GADL1: variants seen among roughly 807,000 people sequenced by gnomAD.
GADL1 encodes the protein GAD like acidic amino acid decarboxylase 1, also known as acidic amino acid decarboxylase GADL1.
Under a neutral mutation model 69.5 loss-of-function variants are expected in GADL1, and 71 were observed. That is an observed-to-expected ratio of 1.02 (90% confidence interval 0.84 to 1.25). GADL1 has a LOEUF of 1.25. Among genes scored for constraint, GADL1 ranks in the 50% most tolerant of loss-of-function variants. GADL1 has a pLI of 0.00. For synonymous variants in GADL1, 254 were observed against 214.4 expected (o/e 1.18, Z -1.62); for missense variants, 737 against 631.8 (o/e 1.17, Z -1.79).
chr3:30,737,737 T>C (rs1575178624), intron 14 of GADL1, among the ~76,000 whole-genome samples: 1 of 152,300 alleles, frequency 6.6e-6, no homozygotes, highest in African/African-American at 2.4e-5. Context: ...CATACTTTGA[T>C]TGGACATACC....
intron 14 of GADL1, among the ~76,000 whole-genome samples, chr3:30,770,739 C>T (rs935821178): frequency 6.6e-6 from 1 of 152,028 alleles, no homozygotes; most frequent in Non-Finnish European, 1.5e-5. Flanking sequence ...CAGCTTCATT[C>T]TTTATTTTAA....
chr3:30,891,675 C>G (rs182485403), intron 1 of GADL1, among the ~76,000 whole-genome samples: 4 of 152,056 alleles, frequency 2.6e-5, no homozygotes, highest in Admixed American at 2.6e-4. Context: ...AAAAGCAGAT[C>G]ATAATAGTAT....
At chr3:30,752,838 TAAC>T (rs560034486) in intron 14 of GADL1, among the ~76,000 whole-genome samples, 112 of 142,462 alleles carry the variant, frequency 7.9e-4, no homozygotes, top group African/African-American at 2.5e-3. Context: ...CTATTTAAGT[TAAC>T]AAGATAATTA....
intron 1 of GADL1, among the ~76,000 whole-genome samples, chr3:30,893,596 T>C (rs1698814562): frequency 6.6e-6 from 1 of 152,200 alleles, no homozygotes; most frequent in African/African-American, 2.4e-5. Context: ...GGTTTTATTA[T>C]GCCATATATA....
intron 12 of GADL1, among the ~76,000 whole-genome samples, chr3:30,792,150 T>C (rs1240586613): frequency 1.3e-5 from 2 of 152,204 alleles, no homozygotes; most frequent in African/African-American, 4.8e-5. Context: ...ACAAAGGTCT[T>C]ACACCAGAGT....
chr3:30,752,397 T>C (rs1006681587), intron 14 of GADL1, among the ~76,000 whole-genome samples: 3 of 152,106 alleles, frequency 2.0e-5, no homozygotes, highest in South Asian at 4.1e-4. Flanking sequence ...GAGATAGACA[T>C]GTATGGTGAA....
intron 12 of GADL1, among the ~76,000 whole-genome samples, chr3:30,797,145 G>A (rs532254673): frequency 5.9e-4 from 90 of 152,222 alleles, no homozygotes; most frequent in Non-Finnish European, 1.1e-3. Context: ...TTCTGTCATG[G>A]CCATCTCAAG....
intron 1 of GADL1, among the ~76,000 whole-genome samples, chr3:30,871,628 A>G (rs1698482969): frequency 6.6e-6 from 1 of 151,844 alleles, no homozygotes; most frequent in South Asian, 2.1e-4. Context: ...AACATGTAAT[A>G]TTTCTGGGAG....
intron 12 of GADL1, among the ~76,000 whole-genome samples, chr3:30,792,641 T>TA (rs530414489): frequency 1.6e-4 from 24 of 152,228 alleles, no homozygotes; most frequent in African/African-American, 5.8e-4. Context: ...TGTTCAATAA[T>TA]ATCAGGAACC....
chr3:30,764,862 T>C (rs1291486775), intron 14 of GADL1, among the ~76,000 whole-genome samples: 4 of 152,190 alleles, frequency 2.6e-5, no homozygotes, highest in Non-Finnish European at 5.9e-5. Flanking sequence ...GCTGTGGCAC[T>C]GCCAACATTT....
chr3:30,813,168 A>T (rs1218135579), intron 11 of GADL1, among the ~76,000 whole-genome samples: 1 of 152,198 alleles, frequency 6.6e-6, no homozygotes, highest in African/African-American at 2.4e-5. Flanking sequence ...GGTATTTGCT[A>T]TGTAACTGTC....
At chr3:30,795,093 G>A (rs1167195908) in intron 12 of GADL1, among the ~76,000 whole-genome samples, 1 of 152,106 alleles carries the variant, frequency 6.6e-6, no homozygotes, top group Admixed American at 6.6e-5. Flanking sequence ...TTACTTTGCT[G>A]GAGTTATCTA....
At chr3:30,811,064 C>T (rs1033192494) in intron 11 of GADL1, among the ~76,000 whole-genome samples, 2 of 152,142 alleles carry the variant, frequency 1.3e-5, no homozygotes, top group East Asian at 3.8e-4. Context: ...CTTCCAGAAA[C>T]CCTCTTGGAA....
intron 12 of GADL1, among the ~76,000 whole-genome samples, chr3:30,786,785 G>A (rs1336568395): frequency 2.0e-5 from 3 of 151,958 alleles, no homozygotes; most frequent in Non-Finnish European, 2.9e-5. Flanking sequence ...AGAGTTTTTT[G>A]TTTTGTTTTG....
chr3:30,745,594 A>T (rs760426467), intron 14 of GADL1, among the ~76,000 whole-genome samples: 4 of 152,190 alleles, frequency 2.6e-5, no homozygotes, highest in Non-Finnish European at 5.9e-5. Context: ...TGAGACATCA[A>T]ATTTTCTTTC....
chr3:30,891,657 A>T (rs1559370439), intron 1 of GADL1, among the ~76,000 whole-genome samples: 3 of 152,132 alleles, frequency 2.0e-5, no homozygotes, highest in South Asian at 2.1e-4. Context: ...AAAATAAAAA[A>T]AAAAATAAAA....
chr3:30,866,640 G>T (rs563760050), intron 1 of GADL1, among the ~76,000 whole-genome samples: 54 of 152,040 alleles, frequency 3.6e-4, no homozygotes, highest in Middle Eastern at 3.4e-3. Flanking sequence ...CACAGTGGTT[G>T]GGGGTTCCCC....
chr3:30,785,861 T>G (rs537955576), intron 13 of GADL1, among the ~76,000 whole-genome samples: 1 of 152,358 alleles, frequency 6.6e-6, no homozygotes, highest in East Asian at 1.9e-4. Flanking sequence ...GAAAAAAATA[T>G]TCTCTACATT....
intron 1 of GADL1, among the ~76,000 whole-genome samples, chr3:30,879,761 A>T (rs537365879): frequency 6.6e-6 from 1 of 151,990 alleles, no homozygotes; most frequent in East Asian, 1.9e-4. Context: ...TGCTAGCCTC[A>T]TGGGTAGCCA....
Sources: allele counts gnomAD v4.1 joint callset (sites outside exome capture counted in the v4.1 genomes callset), GRCh38; gene constraint gnomAD v4.1.1; transcripts MANE v1.5; gene names NCBI Gene and HGNC (gene_info 2026-07-23, HGNC 2026-07-21).